Variants in CLHC1 observed in about 807,000 individuals in gnomAD.
The protein encoded by CLHC1 is clathrin heavy chain linker domain containing 1, also known as clathrin heavy chain linker domain-containing protein 1.
A neutral mutation model predicts 69.5 loss-of-function variants in CLHC1; 72 were observed. That is an observed-to-expected ratio of 1.04 (90% CI 0.86 to 1.26). The LOEUF (loss-of-function observed/expected upper bound fraction) is 1.26. Among genes scored for constraint, CLHC1 ranks in the 50% most tolerant of loss-of-function variants. The probability of loss-of-function intolerance (pLI) is 0.00; values close to 1 mark genes in which losing one functional copy is unlikely to be tolerated. For missense variants in CLHC1, 790 were observed against 679.3 expected (o/e 1.16, Z -1.81); for synonymous variants, 223 against 224.3 (o/e 0.99, Z 0.05).
intron 9 of CLHC1, among the ~76,000 whole-genome samples, chr2:55,193,075 G>A (rs2103797463): frequency 6.6e-6 from 1 of 152,016 alleles, no homozygotes; most frequent in South Asian, 2.1e-4. Context: ...TGTATATTTA[G>A]TAGAGACAGG....
Position 55,212,881 on chromosome 2 carries a change from G to A in CLHC1, c.366-75C>T, listed in dbSNP as rs879167074. ...AACCACAAAACCTAAAGTCAAACAG[G>A]TTAAATCATTACTTTATTTTGAACC... is the stretch of plus-strand genomic sequence containing the variant. On this transcript the variant is annotated intron_variant, in intron 4 of 12. Transcript: ENST00000401408. 1.8e-4 allele frequency: 201 copies of A among 1,129,496 alleles called. 6 individuals are homozygous for A. In the South Asian group the frequency reaches 2.4e-3, roughly 13 times the overall value. 70.0% of individuals were successfully genotyped at this position (1,129,496 alleles called of 1,614,324 possible).
chr2:55,222,523 T>A, intron 2 of CLHC1, 30 bp from the exon 3 acceptor site: 1 of 730,932 alleles, frequency 1.4e-6, no homozygotes, highest in Non-Finnish European at 2.2e-6. Flanking sequence ...TCAATTAATA[T>A]AATAATTTTT....
intron 5 of CLHC1, among the ~76,000 whole-genome samples, chr2:55,210,104 C>T (rs1672840838): frequency 6.6e-6 from 1 of 152,182 alleles, no homozygotes; most frequent in South Asian, 2.1e-4. Flanking sequence ...AAGCAATCTG[C>T]CCACTTCAGC....
In CLHC1 at chr2:55,211,502, CAAAAAAAAAA is replaced by C. The variant is rs35216255; in HGVS notation, c.499+1161_499+1170del. On this transcript the variant is annotated intron_variant, in intron 5 of 12. Coordinates refer to ENST00000401408, the MANE Select transcript of CLHC1 (RefSeq NM_152385.4). ...GGGTGACAGAGCGAGACTATGTCTC[CAAAAAAAAAA>C]AAAAAAAAAAGAAAGTGAATCTAGT... Among the ~76,000 whole-genome samples, 467 of 82,296 alleles carry C rather than the reference CAAAAAAAAAA, an allele frequency of 5.7e-3. 5 individuals are homozygous for C. Among genetic ancestry groups the C allele is most frequent in the Non-Finnish European group, 8.7e-3 (369 of 42,342 alleles). 54.0% of individuals were successfully genotyped at this position (82,296 alleles called of 152,430 possible).
chr2:55,200,334 C>A (rs6545479), intron 9 of CLHC1, among the ~76,000 whole-genome samples: 1 of 150,246 alleles, frequency 6.7e-6, no homozygotes, highest in African/African-American at 2.5e-5. Flanking sequence ...AGACTGAAAA[C>A]ACAGGAATGG....
chr2:55,226,861 G>C (rs1382204813), intron 2 of CLHC1, among the ~76,000 whole-genome samples: 1 of 152,204 alleles, frequency 6.6e-6, no homozygotes, highest in Non-Finnish European at 1.5e-5. Context: ...TTGAACTCCT[G>C]GCCTCAAGTG....
At chr2:55,220,658 A>G (rs908044421) in intron 3 of CLHC1, among the ~76,000 whole-genome samples, 1 of 152,204 alleles carries the variant, frequency 6.6e-6, no homozygotes, top group Non-Finnish European at 1.5e-5. Context: ...TAACTATATT[A>G]ATGTAAAGCA....
At chr2:55,207,113 TG>T (rs1014406462) in intron 8 of CLHC1, among the ~76,000 whole-genome samples, 2 of 150,580 alleles carry the variant, frequency 1.3e-5, no homozygotes, top group Non-Finnish European at 3.0e-5. Context: ...AGACTCCGTC[TG>T]AAAAAAAAAA....
At position 55,175,969 on chromosome 2, in the gene CLHC1, T is replaced by C; in HGVS notation, c.1582A>G (p.Met528Val). Reference sequence around the variant, plus strand: ...ATGGAGCAAAAGGAATCATTTATCATAAGACTTTCTACTGCATCTGTGGGG... The same window carrying C: ...ATGGAGCAAAAGGAATCATTTATCACAAGACTTTCTACTGCATCTGTGGGG... Reference protein sequence around the residue: ...KGGIDAVESLMINDSFCSIEK... With the variant: ...KGGIDAVESLVINDSFCSIEK... Residue 528 changes from methionine to valine, a missense_variant, in exon 13 of 13, where the codon ATG (methionine) becomes GTG (valine). Met to Val is a conservative substitution (Grantham distance 21). Coordinates refer to ENST00000401408, the MANE Select transcript of CLHC1 (RefSeq NM_152385.4). 1 of 1,613,724 alleles carries C rather than the reference T, an allele frequency of 6.2e-7. No homozygotes were observed.
intron 9 of CLHC1, among the ~76,000 whole-genome samples, chr2:55,184,105 T>TCTTTCTTTC (rs140530992): frequency 2.9e-5 from 4 of 139,990 alleles, no homozygotes; most frequent in African/African-American, 5.3e-5. Context: ...TTTCTTTCTT[T>TCTTTCTTTC]ATTTTTTTTT....
At chr2:55,218,968 G>A (rs1202015857) in intron 3 of CLHC1, among the ~76,000 whole-genome samples, 2 of 152,066 alleles carry the variant, frequency 1.3e-5, no homozygotes, top group African/African-American at 2.4e-5. Context: ...AATTATCTAG[G>A]AAGGCATCTG....
intron 2 of CLHC1, among the ~76,000 whole-genome samples, chr2:55,223,412 A>G (rs1382865671): frequency 6.6e-6 from 1 of 152,132 alleles, no homozygotes; most frequent in South Asian, 2.1e-4. Flanking sequence ...GTAAAGAATC[A>G]TGGGCGGCGG....
intron 9 of CLHC1, among the ~76,000 whole-genome samples, chr2:55,202,537 C>G (rs1191187853): frequency 7.8e-6 from 1 of 128,418 alleles, no homozygotes; most frequent in East Asian, 2.3e-4. Flanking sequence ...GCCTGGGGGA[C>G]AAGAGTGAGA....
intron 5 of CLHC1, among the ~76,000 whole-genome samples, chr2:55,210,532 C>T (rs1200184175): frequency 6.6e-6 from 1 of 151,966 alleles, no homozygotes; most frequent in Non-Finnish European, 1.5e-5. Context: ...AATGAAGACT[C>T]GGTGAAGACT....
intron 7 of CLHC1, 69 bp from the exon 8 acceptor site, chr2:55,208,779 A>C: frequency 9.6e-7 from 1 of 1,043,312 alleles, no homozygotes; most frequent in Non-Finnish European, 1.5e-6. Context: ...ATAAACATAC[A>C]TGTGTTTAAT....
chr2:55,226,116 C>T (rs1205535173), intron 2 of CLHC1, among the ~76,000 whole-genome samples: 5 of 151,022 alleles, frequency 3.3e-5, no homozygotes, highest in Non-Finnish European at 7.4e-5. Context: ...GGCGTGAACC[C>T]GGGAGGCGGA....
chr2:55,191,509 C>T lies in CLHC1; in HGVS notation c.1007-9765G>A, dbSNP rs547260310. 3.9e-5 allele frequency among the ~76,000 whole-genome samples: 6 copies of T among 152,288 alleles called. 1 individual carries two copies. In the South Asian group the frequency reaches 1.2e-3, roughly 32 times the overall value. On this transcript the variant is annotated intron_variant, in intron 9 of 12. Transcript: ENST00000401408. ...TCAGCCTCCCAAAGTGCTGGGATTACAGGCGTGAGCCACTGCGCCCAGCCA... is the reference window on the plus strand; with the variant it reads ...TCAGCCTCCCAAAGTGCTGGGATTATAGGCGTGAGCCACTGCGCCCAGCCA...
At chr2:55,183,921 C>T (rs1670156302) in intron 9 of CLHC1, among the ~76,000 whole-genome samples, 1 of 152,026 alleles carries the variant, frequency 6.6e-6, no homozygotes, top group African/African-American at 2.4e-5. Flanking sequence ...GATGGGACTA[C>T]AGGTGCGTGC....
chr2:55,214,263 A>G (rs1304286776), intron 4 of CLHC1: 2 of 152,368 alleles, frequency 1.3e-5, no homozygotes, highest in Non-Finnish European at 2.9e-5. Context: ...TAATCCCAGC[A>G]CTGTGGGAGG....
Sources: allele counts gnomAD v4.1 joint callset (sites outside exome capture counted in the v4.1 genomes callset), GRCh38; gene constraint gnomAD v4.1.1; transcripts MANE v1.5; gene names NCBI Gene and HGNC (gene_info 2026-07-23, HGNC 2026-07-21).